Variants in DTX4 observed in about 807,000 individuals in gnomAD.
DTX4 encodes deltex E3 ubiquitin ligase 4.
In DTX4, 28 loss-of-function variants were observed where a neutral mutation model predicts 57.6. The ratio of observed to expected loss-of-function variants is 0.49; its 90% confidence interval spans 0.36 to 0.67. The LOEUF is 0.67. Among genes scored for constraint, DTX4 ranks in the 30% least tolerant of loss-of-function variants. DTX4 has a pLI of 0.00. For missense variants in DTX4, 715 were observed against 836.8 expected (o/e 0.85, Z 1.80); for synonymous variants, 316 against 331.0 (o/e 0.95, Z 0.49).
intron 6 of DTX4, among the ~76,000 whole-genome samples, chr11:59,194,034 C>T (rs1322093775): frequency 6.6e-6 from 1 of 152,162 alleles, no homozygotes; most frequent in Admixed American, 6.5e-5. Flanking sequence ...AGGCCCTCCT[C>T]CAGGCAGCAC....
At chr11:59,191,047 A>G (rs527832452) in intron 4 of DTX4, 67 bp from the exon 5 acceptor site, 37 of 1,474,994 alleles carry the variant, frequency 2.5e-5, no homozygotes, top group Non-Finnish European at 3.3e-5. Context: ...TACCATGTCT[A>G]GCACGACAAG....
At chr11:59,195,707 C>T (rs1258427086) in intron 7 of DTX4, among the ~76,000 whole-genome samples, 1 of 152,126 alleles carries the variant, frequency 6.6e-6, no homozygotes, top group African/African-American at 2.4e-5. Flanking sequence ...ATAGAGAGAG[C>T]TTCCTCGTTC....
chr11:59,184,833 T>G (rs1314901775), intron 2 of DTX4, among the ~76,000 whole-genome samples: 1 of 152,218 alleles, frequency 6.6e-6, no homozygotes, highest in African/African-American at 2.4e-5. Flanking sequence ...CCTCTCGATC[T>G]TCCAGCCCTT....
rs751977399 is a variant in DTX4, at chr11:59,204,757, A to G, written c.1708A>G (p.Thr570Ala). The G allele has an allele frequency of 2.5e-6, 4 of 1,613,742 alleles. No individual in the cohort carries two copies. Among genetic ancestry groups the G allele is most frequent in the South Asian group, 1.1e-5 (1 of 90,978 alleles). Residue 570 changes from threonine (T) to alanine (A), a missense_variant, in exon 9 of 9, where the codon ACC (threonine) becomes GCC (alanine). Transcript: ENST00000227451. ...CTCCAGCACCACAGGCGAGTCAGAC[A>G]CCGTCATCTGGAATGAGGTCCACCA... ...GTSSTTGESDTVIWNEVHHKT... is the reference protein window; with the variant it reads ...GTSSTTGESDAVIWNEVHHKT...
chr11:59,194,133 T>A (rs1862633630), intron 6 of DTX4, among the ~76,000 whole-genome samples: 1 of 152,158 alleles, frequency 6.6e-6, no homozygotes, highest in Non-Finnish European at 1.5e-5. Flanking sequence ...CGAGTTGCAA[T>A]GCAAAGCTGG....
intron 3 of DTX4, 72 bp from the exon 4 acceptor site, chr11:59,189,090 G>C: frequency 1.3e-6 from 2 of 1,567,548 alleles, no homozygotes; most frequent in South Asian, 2.3e-5. Context: ...AGGTTAATGG[G>C]GAAAGAGGAA....
At chr11:59,172,904 G>T in intron 1 of DTX4, 98 bp downstream of exon 1, 1 of 877,374 alleles carries the variant, frequency 1.1e-6, no homozygotes, top group South Asian at 1.8e-5. Context: ...CACCTAGTCG[G>T]CACTTCTGTG....
chr11:59,191,053 A>G, intron 4 of DTX4, 61 bp from the exon 5 acceptor site: 1 of 1,501,390 alleles, frequency 6.7e-7, no homozygotes, highest in Non-Finnish European at 9.1e-7. Flanking sequence ...GTCTAGCACG[A>G]CAAGGCTGTT....
intron 1 of DTX4, among the ~76,000 whole-genome samples, chr11:59,180,088 C>A (rs1862445043): frequency 6.6e-6 from 1 of 152,108 alleles, no homozygotes; most frequent in Non-Finnish European, 1.5e-5. Flanking sequence ...ACATTCATTT[C>A]TTCATTTAAT....
intron 4 of DTX4, 21 bp from the exon 5 acceptor site, chr11:59,191,093 C>A: frequency 6.4e-7 from 1 of 1,561,846 alleles, no homozygotes; most frequent in Non-Finnish European, 8.7e-7. Context: ...TGGTGGCCCA[C>A]TGAACCTCCT....
chr11:59,200,787 G>A (rs184995978), intron 8 of DTX4, among the ~76,000 whole-genome samples: 5 of 152,178 alleles, frequency 3.3e-5, no homozygotes, highest in East Asian at 3.8e-4. Flanking sequence ...AATCTTTCCC[G>A]ATCTCAAAAG....
chr11:59,195,272 C>G lies in DTX4; in HGVS notation c.1439C>G (p.Pro480Arg). The G allele has an allele frequency of 6.2e-7, 1 of 1,613,968 alleles. No individual in the cohort carries two copies. Among genetic ancestry groups the G allele is most frequent in the Non-Finnish European group, 8.5e-7 (1 of 1,179,888 alleles). The change falls in exon 7 of 9, where the codon CCA becomes CGA. Residue 480 changes from proline (P) to arginine (R), a missense_variant. Physicochemically the swap from Pro to Arg is moderately radical, Grantham distance 103. Coordinates refer to ENST00000227451, the MANE Select transcript of DTX4 (RefSeq NM_015177.2). ...IYGVKTGTQP[P>R]GKMEYHLIPH... is the part of the protein sequence containing the mutation. The stretch of plus-strand genomic sequence containing the variant: ...GGGGTGAAGACAGGCACCCAACCTC[C>G]AGGGAAGATGGAGTACCACCTCATC...
rs984477058 is a variant in DTX4 at position 59,207,653 on chromosome 11, C to T, written c.*2744C>T. The T allele has an allele frequency of 2.0e-5, 3 of 152,790 alleles. No homozygotes were observed. The highest frequency in any genetic ancestry group is 4.4e-5 in the Non-Finnish European group (3 of 68,160). 9.5% of individuals were successfully genotyped at this position (152,790 alleles called of 1,614,324 possible). Reference sequence around the variant, plus strand: ...ACACAGAGTGTTTTCCCACTAGAAGCTCTGCTCTGCTCTCCTGGCCCAAGT... The same window carrying T: ...ACACAGAGTGTTTTCCCACTAGAAGTTCTGCTCTGCTCTCCTGGCCCAAGT... On this transcript the variant is annotated 3_prime_UTR_variant, in exon 9 of 9. Transcript: ENST00000227451.
At chr11:59,173,666 C>G (rs914088563) in intron 1 of DTX4, among the ~76,000 whole-genome samples, 1 of 152,148 alleles carries the variant, frequency 6.6e-6, no homozygotes, top group Admixed American at 6.5e-5. Flanking sequence ...CGCCAAACTC[C>G]TATCTTTTCA....
intron 8 of DTX4, among the ~76,000 whole-genome samples, chr11:59,201,696 G>A (rs75007399): frequency 0.1 from 15,877 of 152,226 alleles, 1,030 homozygotes; most frequent in East Asian, 0.29. Flanking sequence ...AGTGTCCCCA[G>A]ATTAGGGGTC....
intron 6 of DTX4, among the ~76,000 whole-genome samples, chr11:59,192,673 T>C (rs906252321): frequency 1.3e-5 from 2 of 152,168 alleles, no homozygotes; most frequent in African/African-American, 2.4e-5. Flanking sequence ...CCAATCACCC[T>C]TTCTTCCCCA....
chr11:59,198,767 G>C (rs1037420723), intron 7 of DTX4, among the ~76,000 whole-genome samples: 13 of 152,172 alleles, frequency 8.5e-5, no homozygotes, highest in Non-Finnish European at 1.5e-4. Context: ...TCTAGAAGGG[G>C]TTTTTAAAGA....
chr11:59,183,166 G>C (rs1412539113), intron 2 of DTX4, among the ~76,000 whole-genome samples: 1 of 152,130 alleles, frequency 6.6e-6, no homozygotes, highest in Non-Finnish European at 1.5e-5. Context: ...TCTGACACTA[G>C]AGCCCAGATT....
chr11:59,188,847 T>A (rs187850466), intron 3 of DTX4, 51 bp downstream of exon 3: 20 of 1,494,652 alleles, frequency 1.3e-5, no homozygotes, highest in Non-Finnish European at 1.8e-5. Flanking sequence ...ATCAGAGTGA[T>A]GAAATAGGTC....
Sources: gnomAD v4.1 joint callset for allele counts (sites outside exome capture counted in the v4.1 genomes callset) on GRCh38, gnomAD v4.1.1 for gene constraint, MANE v1.5 for transcripts, NCBI Gene and HGNC (gene_info 2026-07-23, HGNC 2026-07-21) for gene names.